The following ZNF280D variants were observed in gnomAD, a reference collection of about 807,000 sequenced individuals.
The protein encoded by ZNF280D is zinc finger protein 280D, also known as suppressor of hairy wing homolog 4.
ZNF280D carries 39 observed loss-of-function variants against 94.7 expected under a neutral mutation model. The observed-to-expected ratio is 0.41, with a 90% CI of 0.32 to 0.54. The LOEUF (loss-of-function observed/expected upper bound fraction) is 0.54, where lower values mean the gene tolerates loss of function less well. Ranked by LOEUF, ZNF280D falls within the 20% of genes least tolerant of loss-of-function variation. The pLI, the probability that ZNF280D is intolerant of heterozygous loss-of-function variation, is 0.22. For synonymous variants in ZNF280D, 398 were observed against 377.6 expected (o/e 1.05, Z -0.63); for missense variants, 1,090 against 1,149.3 (o/e 0.95, Z 0.75).
intron 16 of ZNF280D, among the ~76,000 whole-genome samples, chr15:56,663,227 T>A (rs1338329104): frequency 1.5e-5 from 2 of 133,704 alleles, no homozygotes; most frequent in Non-Finnish European, 3.1e-5. Flanking sequence ...GAGGCTGTAG[T>A]GAACTGTGAT....
chr15:56,672,454 T>G (rs2054933326), intron 13 of ZNF280D, among the ~76,000 whole-genome samples: 1 of 152,124 alleles, frequency 6.6e-6, no homozygotes, highest in Non-Finnish European at 1.5e-5. Flanking sequence ...ATTTTTGTCT[T>G]TAGTTCTGTT....
intron 6 of ZNF280D, chr15:56,699,784 C>T (rs1340532165): frequency 6.4e-6 from 1 of 157,448 alleles, no homozygotes; most frequent in Non-Finnish European, 1.4e-5. Flanking sequence ...CATGTCATCA[C>T]ACAGAATATT....
intron 17 of ZNF280D, chr15:56,654,734 T>A: frequency 1.8e-6 from 1 of 561,144 alleles, no homozygotes; most frequent in Non-Finnish European, 3.4e-6. Flanking sequence ...CTTTTACCTG[T>A]CATACCAATT....
chr15:56,689,407 G>C lies in ZNF280D; in HGVS notation c.563C>G (p.Pro188Arg), dbSNP rs369322112. The C allele has an allele frequency of 4.4e-6, 7 of 1,597,620 alleles. No individual in the cohort carries two copies. Among genetic ancestry groups the C allele is most frequent in the Non-Finnish European group, 6.0e-6 (7 of 1,171,898 alleles). ...PSTSEVNNVN[P>R]KKPKPSESVS... ...ACTTTCGCTGGGTTTAGGCTTCTTTGGATTAACATTATTTACTTCAGAAGT... is the reference window on the plus strand; with the variant it reads ...ACTTTCGCTGGGTTTAGGCTTCTTTCGATTAACATTATTTACTTCAGAAGT... The change falls in exon 8 of 22, where the codon CCA becomes CGA. Residue 188 changes from proline (P) to arginine (R), a missense_variant. By Grantham distance (103) the Pro-to-Arg change is moderately radical. Around this residue, in one of 3 missense-constraint regions of ZNF280D, gnomAD observed 386 missense variants for 372.0 expected, o/e 1.04. Transcript: ENST00000267807.
chr15:56,701,070 T>C lies in ZNF280D; in HGVS notation c.244A>G (p.Ile82Val), dbSNP rs145488880. 1,296 of 1,613,486 alleles carry C rather than the reference T, an allele frequency of 8.0e-4. 13 individuals are homozygous for C. The highest frequency in any genetic ancestry group is 6.8e-3 in the South Asian group (623 of 91,042). ...GLKNGALSRG[I>V]TAAFKPTSQH... ...CTTGTAGGCTTGAATGCAGCAGTAATACCTGTATTTTAAAGTAACACAATA... is the reference window on the plus strand; with the variant it reads ...CTTGTAGGCTTGAATGCAGCAGTAACACCTGTATTTTAAAGTAACACAATA... The change falls in exon 6 of 22, where the codon ATT becomes GTT. Residue 82 changes from isoleucine (I) to valine (V), a missense_variant and splice_region_variant. Physicochemically the swap from Ile to Val is conservative, Grantham distance 29 (BLOSUM62 3). Coordinates refer to ENST00000267807, the MANE Select transcript of ZNF280D (RefSeq NM_017661.4).
At chr15:56,634,224 C>G (rs1270780806) in intron 21 of ZNF280D, 1 of 152,116 alleles carries the variant, frequency 6.6e-6, no homozygotes, top group Non-Finnish European at 1.5e-5. Context: ...AATCAATACT[C>G]TCATTAATTT....
intron 10 of ZNF280D, among the ~76,000 whole-genome samples, chr15:56,679,729 T>C (rs2055490635): frequency 6.6e-6 from 1 of 152,236 alleles, no homozygotes; most frequent in Non-Finnish European, 1.5e-5. Flanking sequence ...AGAAATTATC[T>C]TGAAACTAAG....
chr15:56,721,602 C>CA (rs2141409040), intron 1 of ZNF280D, among the ~76,000 whole-genome samples: 1 of 152,292 alleles, frequency 6.6e-6, no homozygotes, highest in South Asian at 2.1e-4. Flanking sequence ...GTTATGGAGA[C>CA]AGTGTCTCTC....
chr15:56,726,439 TTAC>T (rs2058634606), intron 1 of ZNF280D, among the ~76,000 whole-genome samples: 1 of 152,186 alleles, frequency 6.6e-6, no homozygotes, highest in African/African-American at 2.4e-5. Context: ...GAAAATTTAC[TTAC>T]TACTTTAAAA....
intron 17 of ZNF280D, among the ~76,000 whole-genome samples, chr15:56,657,877 T>C (rs1394089882): frequency 6.6e-6 from 1 of 151,934 alleles, no homozygotes; most frequent in Non-Finnish European, 1.5e-5. Flanking sequence ...AAGTATATAC[T>C]AAAGAGAAAT....
At chr15:56,677,718 A>T in intron 11 of ZNF280D, 44 bp from the exon 12 acceptor site, 7 of 808,986 alleles carry the variant, frequency 8.7e-6, no homozygotes, top group Non-Finnish European at 8.6e-6. Context: ...TAAGATATTA[A>T]TATAAAAATT....
intron 1 of ZNF280D, among the ~76,000 whole-genome samples, chr15:56,731,291 C>T (rs2058871503): frequency 6.6e-6 from 1 of 151,864 alleles, no homozygotes; most frequent in African/African-American, 2.4e-5. Flanking sequence ...TCACTTGAAC[C>T]CAGGAGTTTG....
At chr15:56,726,215 A>AC (rs1555430165) in intron 1 of ZNF280D, among the ~76,000 whole-genome samples, 1 of 151,766 alleles carries the variant, frequency 6.6e-6, no homozygotes, top group Non-Finnish European at 1.5e-5. Context: ...AACAGGCTAA[A>AC]AAAAAAAACC....
chr15:56,680,136 T>C (rs1388464463), intron 10 of ZNF280D, among the ~76,000 whole-genome samples: 1 of 152,184 alleles, frequency 6.6e-6, no homozygotes, highest in Non-Finnish European at 1.5e-5. Flanking sequence ...AATCTAACTA[T>C]TTTTAGTGAC....
At chr15:56,714,873 T>C (rs2057954700) in intron 1 of ZNF280D, among the ~76,000 whole-genome samples, 1 of 152,256 alleles carries the variant, frequency 6.6e-6, no homozygotes, top group Non-Finnish European at 1.5e-5. Flanking sequence ...TTATTTTCTT[T>C]CTAATGCAAG....
chr15:56,703,353 C>A (rs927117035), intron 4 of ZNF280D, among the ~76,000 whole-genome samples: 1 of 152,172 alleles, frequency 6.6e-6, no homozygotes, highest in Non-Finnish European at 1.5e-5. Flanking sequence ...TCTATTGGTA[C>A]ACAGGCCAGA....
chr15:56,664,332 T>C (rs1179529730), intron 16 of ZNF280D, among the ~76,000 whole-genome samples: 2 of 152,114 alleles, frequency 1.3e-5, no homozygotes, highest in Non-Finnish European at 2.9e-5. Context: ...AACAGGCAGT[T>C]GGGACAAACT....
intron 6 of ZNF280D, among the ~76,000 whole-genome samples, chr15:56,693,524 C>G (rs2141109955): frequency 6.6e-6 from 1 of 152,064 alleles, no homozygotes; most frequent in Admixed American, 6.5e-5. Context: ...CTTAGTTCAA[C>G]TTCTTCAAGG....
intron 13 of ZNF280D, among the ~76,000 whole-genome samples, chr15:56,670,569 A>T (rs1316148460): frequency 2.0e-5 from 3 of 151,870 alleles, no homozygotes; most frequent in African/African-American, 7.3e-5. Context: ...TATGTACCAC[A>T]TTTTTTTCAT....
Sources: allele counts gnomAD v4.1 joint callset (sites outside exome capture counted in the v4.1 genomes callset), GRCh38; gene constraint gnomAD v4.1.1; regional missense constraint gnomAD v4.1.1; transcripts MANE v1.5; gene names NCBI Gene and HGNC (gene_info 2026-07-23, HGNC 2026-07-21).